Variants in CADPS2 observed in about 807,000 individuals in gnomAD.
The protein encoded by CADPS2 is calcium-dependent secretion activator 2.
A neutral mutation model predicts 172.5 loss-of-function variants in CADPS2; 93 were observed. The observed-to-expected ratio is 0.54, with a 90% CI of 0.46 to 0.64. CADPS2 has a LOEUF of 0.64. Ranked by LOEUF, CADPS2 falls within the 30% of genes least tolerant of loss-of-function variation. CADPS2 has a pLI of 0.00. For missense variants in CADPS2, 1,420 were observed against 1,565.9 expected (o/e 0.91, Z 1.57); for synonymous variants, 546 against 555.2 (o/e 0.98, Z 0.23).
chr7:122,384,093 G>A (rs922809962), intron 24 of CADPS2, among the ~76,000 whole-genome samples: 4 of 152,006 alleles, frequency 2.6e-5, no homozygotes, highest in African/African-American at 9.7e-5. Context: ...TGTCCCTGAG[G>A]GACTGGCCTG....
chr7:122,484,309 TAAGA>T (rs2057587602), intron 11 of CADPS2, among the ~76,000 whole-genome samples: 1 of 152,088 alleles, frequency 6.6e-6, no homozygotes, highest in African/African-American at 2.4e-5. Context: ...GTAATAATAT[TAAGA>T]TAGATAAACT....
At chr7:122,697,914 C>G in intron 2 of CADPS2, 1 of 1,613,894 alleles carries the variant, frequency 6.2e-7, no homozygotes, top group Non-Finnish European at 8.5e-7. Context: ...CATTATTTGT[C>G]TCCTCTTCAC....
chr7:122,366,249 T>C (rs564533441), intron 25 of CADPS2, among the ~76,000 whole-genome samples: 2 of 151,858 alleles, frequency 1.3e-5, no homozygotes, highest in South Asian at 4.2e-4. Context: ...TTCCAGAATA[T>C]CATGAACTAG....
chr7:122,659,836 A>T (rs149615509), intron 3 of CADPS2, among the ~76,000 whole-genome samples: 1 of 152,138 alleles, frequency 6.6e-6, no homozygotes, highest in African/African-American at 2.4e-5. Context: ...GCAAACAAAA[A>T]GACAGTGTGG....
intron 6 of CADPS2, among the ~76,000 whole-genome samples, chr7:122,601,890 C>G (rs575566163): frequency 1.3e-5 from 2 of 152,142 alleles, no homozygotes; most frequent in East Asian, 1.9e-4. Context: ...GTCAGTACTT[C>G]AGGAGATTTA....
chr7:122,485,368 T>G (rs1224128546), intron 11 of CADPS2, among the ~76,000 whole-genome samples: 1 of 152,176 alleles, frequency 6.6e-6, no homozygotes, highest in Non-Finnish European at 1.5e-5. Flanking sequence ...GCTACTCCAG[T>G]GAACACACAA....
At chr7:122,342,035 AT>A (rs2036855779) in intron 28 of CADPS2, among the ~76,000 whole-genome samples, 1 of 152,136 alleles carries the variant, frequency 6.6e-6, no homozygotes. Context: ...ATTTGTCCTA[AT>A]GTTAGCTTTT....
intron 27 of CADPS2, among the ~76,000 whole-genome samples, chr7:122,360,359 T>C (rs1319814548): frequency 6.6e-6 from 1 of 152,228 alleles, no homozygotes; most frequent in African/African-American, 2.4e-5. Flanking sequence ...AAGTAACTAC[T>C]GATTTATATA....
chr7:122,345,468 G>A lies in CADPS2; in HGVS notation c.3612+106C>T, dbSNP rs1172975159. ...CAACTTTTTAGTATAGAAGATACAG[G>A]ATCACAAAAAGGAGACTATGCTTTG... On this transcript the variant is annotated intron_variant, in intron 28 of 29. Transcript: ENST00000449022. The A allele has an allele frequency of 4.4e-6, 3 of 675,558 alleles. 1 individual carries two copies. Among genetic ancestry groups the A allele is most frequent in the African/African-American group, 3.6e-5 (2 of 55,590 alleles). 41.8% of individuals were successfully genotyped at this position (675,558 alleles called of 1,614,324 possible). A position where few individuals can be genotyped will look rare whatever the true frequency, so the allele number is the denominator to read the frequency against.
At chr7:122,858,040 C>T (rs1426664223) in intron 1 of CADPS2, among the ~76,000 whole-genome samples, 1 of 152,028 alleles carries the variant, frequency 6.6e-6, no homozygotes, top group Non-Finnish European at 1.5e-5. Context: ...GGAAGGGGAC[C>T]CTAGCAGGTT....
At chr7:122,785,404 G>C (rs1051744373) in intron 1 of CADPS2, among the ~76,000 whole-genome samples, 9 of 152,070 alleles carry the variant, frequency 5.9e-5, no homozygotes, top group African/African-American at 2.2e-4. Flanking sequence ...GTTGTTCTGT[G>C]GTTTATTTAG....
intron 25 of CADPS2, among the ~76,000 whole-genome samples, chr7:122,371,501 G>A (rs2041758072): frequency 6.7e-6 from 1 of 150,342 alleles, no homozygotes; most frequent in South Asian, 2.1e-4. Flanking sequence ...ATAACATGGG[G>A]GAAACCACCT....
chr7:122,799,988 T>C (rs2139914306), intron 1 of CADPS2, among the ~76,000 whole-genome samples: 1 of 152,286 alleles, frequency 6.6e-6, no homozygotes, highest in African/African-American at 2.4e-5. Flanking sequence ...GAAAAAAAGA[T>C]ATGTAACCTC....
At chr7:122,633,852 TTA>T (rs1297240242) in intron 3 of CADPS2, among the ~76,000 whole-genome samples, 7 of 152,080 alleles carry the variant, frequency 4.6e-5, no homozygotes, top group Non-Finnish European at 7.4e-5. Flanking sequence ...GCTCTTATTT[TTA>T]TATGTTTCTT....
chr7:122,339,299 A>C (rs1311872457), intron 28 of CADPS2, among the ~76,000 whole-genome samples: 1 of 152,180 alleles, frequency 6.6e-6, no homozygotes, highest in Non-Finnish European at 1.5e-5. Context: ...GTTGATTTCA[A>C]CTGTGTATTG....
rs2078261083 is a variant in CADPS2, at chr7:122,645,367, G to GTGTGTATATATGTACA, written c.787-16040_787-16039insTGTACATATATACACA. Among the ~76,000 whole-genome samples the GTGTGTATATATGTACA allele has an allele frequency of 1.4e-4, 13 of 95,244 alleles. 1 individual carries two copies. The highest frequency in any genetic ancestry group is 3.2e-4 in the Admixed American group (3 of 9,300). 62.5% of individuals were successfully genotyped at this position (95,244 alleles called of 152,430 possible). Reference sequence around the variant, plus strand: ...TACATGTGTGTGTATACATGTACATGTATACACACATATGTACATGTGTGT... The same window carrying GTGTGTATATATGTACA: ...TACATGTGTGTGTATACATGTACATGTGTGTATATATGTACATATACACACATATGTACATGTGTGT... On this transcript the variant is annotated intron_variant, in intron 3 of 29. Coordinates refer to ENST00000449022, the MANE Select transcript of CADPS2 (RefSeq NM_017954.11).
At chr7:122,501,733 G>C (rs1322350903) in intron 9 of CADPS2, among the ~76,000 whole-genome samples, 1 of 151,400 alleles carries the variant, frequency 6.6e-6, no homozygotes, top group African/African-American at 2.4e-5. Context: ...AAATTAGCCA[G>C]GCGTGGTGGC....
intron 12 of CADPS2, among the ~76,000 whole-genome samples, chr7:122,479,863 ATACTT>A (rs1032631589): frequency 6.6e-6 from 1 of 152,230 alleles, no homozygotes; most frequent in Non-Finnish European, 1.5e-5. Context: ...TAATTTAAAA[ATACTT>A]AGCTTAAAAA....
chr7:122,375,056 A>G (rs946848985), intron 25 of CADPS2, among the ~76,000 whole-genome samples: 4 of 152,146 alleles, frequency 2.6e-5, no homozygotes, highest in East Asian at 1.9e-4. Flanking sequence ...CAGACAACAA[A>G]TAAATAAAAA....
Sources: gnomAD v4.1 joint callset for allele counts (sites outside exome capture counted in the v4.1 genomes callset) on GRCh38, gnomAD v4.1.1 for gene constraint, MANE v1.5 for transcripts, NCBI Gene and HGNC (gene_info 2026-07-23, HGNC 2026-07-21) for gene names.